CSMD1: variants seen among roughly 807,000 people sequenced by gnomAD.
CSMD1 encodes CUB and Sushi multiple domains 1.
A neutral mutation model predicts 417.5 loss-of-function variants in CSMD1; 213 were observed. That is an observed-to-expected ratio of 0.51 (90% CI 0.46 to 0.57). The LOEUF is 0.57. Ranked by LOEUF, CSMD1 falls within the 20% of genes least tolerant of loss-of-function variation. CSMD1 has a pLI of 0.00. For synonymous variants in CSMD1, 2,862 were observed against 1,736.8 expected, an observed-to-expected ratio of 1.65 and a Z score of -16.11; for missense variants, 6,923 against 4,529.7, an observed-to-expected ratio of 1.53 and a Z score of -15.17.
At chr8:4,303,272 A>T (rs2128874526) in intron 3 of CSMD1, among the ~76,000 whole-genome samples, 1 of 152,304 alleles carries the variant, frequency 6.6e-6, no homozygotes, top group African/African-American at 2.4e-5. Context: ...AAAAGAAAAC[A>T]AAACAAAAAT....
At chr8:2,941,649 CA>C (rs1801882825) in intron 69 of CSMD1, among the ~76,000 whole-genome samples, 1 of 152,194 alleles carries the variant, frequency 6.6e-6, no homozygotes, top group Non-Finnish European at 1.5e-5. Flanking sequence ...TGTTTGTCCC[CA>C]AGTTTTGACA....
chr8:4,539,027 G>T (rs368072255), intron 2 of CSMD1, among the ~76,000 whole-genome samples: 1 of 152,158 alleles, frequency 6.6e-6, no homozygotes, highest in East Asian at 1.9e-4. Flanking sequence ...GTCAGGCAAC[G>T]TTATCCTCCA....
At chr8:3,348,477 CGTCAGGTT>C (rs1563297218) in intron 21 of CSMD1, among the ~76,000 whole-genome samples, 1 of 152,142 alleles carries the variant, frequency 6.6e-6, no homozygotes, top group South Asian at 2.1e-4. Flanking sequence ...CTGGCTGTGT[CGTCAGGTT>C]GTCACAGCAC....
chr8:3,945,101 G>C (rs895010095), intron 5 of CSMD1, among the ~76,000 whole-genome samples: 1 of 140,888 alleles, frequency 7.1e-6, no homozygotes, highest in African/African-American at 2.6e-5. Context: ...GCTGACCCCA[G>C]ATAATTATAA....
At chr8:4,131,773 T>TTG (rs1435783171) in intron 3 of CSMD1, among the ~76,000 whole-genome samples, 62 of 142,882 alleles carry the variant, frequency 4.3e-4, no homozygotes, top group African/African-American at 1.5e-3. Flanking sequence ...TTTTTTTTTT[T>TTG]TTTTTTTGAG....
intron 2 of CSMD1, among the ~76,000 whole-genome samples, chr8:4,627,393 G>C (rs1299413573): frequency 6.6e-6 from 1 of 152,062 alleles, no homozygotes; most frequent in Non-Finnish European, 1.5e-5. Context: ...AATATGGATG[G>C]TTTCCCACTA....
intron 33 of CSMD1, among the ~76,000 whole-genome samples, chr8:3,190,511 C>T (rs918285411): frequency 1.3e-5 from 2 of 152,120 alleles, no homozygotes; most frequent in Admixed American, 6.5e-5. Flanking sequence ...ACCATGCGTA[C>T]TTGTCCTCAC....
At chr8:3,341,531 T>A (rs761876029) in intron 23 of CSMD1, among the ~76,000 whole-genome samples, 9 of 152,104 alleles carry the variant, frequency 5.9e-5, no homozygotes, top group Non-Finnish European at 1.0e-4. Flanking sequence ...GCACAATGTG[T>A]TTTTTGTGAA....
At chr8:4,543,528 T>A (rs1340916178) in intron 2 of CSMD1, among the ~76,000 whole-genome samples, 2 of 152,118 alleles carry the variant, frequency 1.3e-5, no homozygotes, top group Non-Finnish European at 2.9e-5. Context: ...AGTTTATACA[T>A]TCACCAACCG....
At chr8:4,016,771 T>G (rs755907260) in intron 4 of CSMD1, among the ~76,000 whole-genome samples, 2 of 152,218 alleles carry the variant, frequency 1.3e-5, no homozygotes, top group Non-Finnish European at 2.9e-5. Flanking sequence ...TGACCTAAGT[T>G]TATGTGTATA....
intron 40 of CSMD1, among the ~76,000 whole-genome samples, chr8:3,144,936 T>G (rs1818748275): frequency 6.6e-6 from 1 of 152,034 alleles, no homozygotes; most frequent in Non-Finnish European, 1.5e-5. Flanking sequence ...CACATCCAGA[T>G]CTGCTTGTCC....
At chr8:4,460,585 A>T (rs1464542822) in intron 2 of CSMD1, among the ~76,000 whole-genome samples, 2 of 150,864 alleles carry the variant, frequency 1.3e-5, no homozygotes, top group African/African-American at 5.0e-5. Context: ...CAAGAAATAA[A>T]GAAGTCTCAA....
chr8:3,302,114 G>C (rs955286839), intron 25 of CSMD1, among the ~76,000 whole-genome samples: 1 of 152,130 alleles, frequency 6.6e-6, no homozygotes, highest in African/African-American at 2.4e-5. Flanking sequence ...CCCTTGGAGG[G>C]AGACAGTAAC....
At chr8:4,115,030 A>G (rs1006737292) in intron 3 of CSMD1, among the ~76,000 whole-genome samples, 8 of 152,222 alleles carry the variant, frequency 5.3e-5, no homozygotes, top group African/African-American at 1.4e-4. Flanking sequence ...GCATGGTTTG[A>G]AAGAATTGAT....
intron 10 of CSMD1, among the ~76,000 whole-genome samples, chr8:3,511,920 AC>A (rs1797090928): frequency 1.4e-5 from 2 of 144,760 alleles, no homozygotes; most frequent in South Asian, 2.2e-4. Context: ...AAAAAAAAAA[AC>A]GGTTGTTATA....
intron 1 of CSMD1, among the ~76,000 whole-genome samples, chr8:4,960,102 T>C (rs1249569802): frequency 6.6e-6 from 1 of 152,190 alleles, no homozygotes; most frequent in Non-Finnish European, 1.5e-5. Context: ...AAATAATGAA[T>C]ACATTTTTAG....
chr8:4,509,162 G>A (rs1433382561), intron 2 of CSMD1, among the ~76,000 whole-genome samples: 2 of 152,152 alleles, frequency 1.3e-5, no homozygotes, highest in Non-Finnish European at 2.9e-5. Context: ...GAGAATTGAA[G>A]TATTAATTCT....
chr8:3,850,009 T>TGGCCAGGTG (rs1295668085), intron 5 of CSMD1, among the ~76,000 whole-genome samples: 1 of 151,988 alleles, frequency 6.6e-6, no homozygotes, highest in Non-Finnish European at 1.5e-5. Flanking sequence ...TTCACGATGT[T>TGGCCAGGTG]GGTCTCAAAC....
chr8:4,698,941 C>T (rs1394979942), intron 1 of CSMD1, among the ~76,000 whole-genome samples: 5 of 148,880 alleles, frequency 3.4e-5, no homozygotes, highest in African/African-American at 1.3e-4. Context: ...CACACACACA[C>T]CAATTTCACC....
Sources: gnomAD v4.1 joint callset for allele counts (sites outside exome capture counted in the v4.1 genomes callset) on GRCh38, gnomAD v4.1.1 for gene constraint, MANE v1.5 for transcripts, NCBI Gene and HGNC (gene_info 2026-07-23, HGNC 2026-07-21) for gene names.